CDH18: variants seen among roughly 807,000 people sequenced by gnomAD.
CDH18 encodes cadherin 18.
A neutral mutation model predicts 67.9 loss-of-function variants in CDH18; 31 were observed. That is an observed-to-expected ratio of 0.46 (90% CI 0.34 to 0.62). CDH18 has a LOEUF of 0.62. Ranked by LOEUF, CDH18 falls within the 20% of genes least tolerant of loss-of-function variation. CDH18 has a pLI of 0.01. For missense variants in CDH18, 890 were observed against 975.5 expected, an observed-to-expected ratio of 0.91 and a Z score of 1.17; for synonymous variants, 362 against 347.2, an observed-to-expected ratio of 1.04 and a Z score of -0.48.
intron 2 of CDH18, among the ~76,000 whole-genome samples, chr5:20,030,155 G>A (rs1165806870): frequency 2.0e-5 from 3 of 152,176 alleles, no homozygotes; most frequent in Admixed American, 6.5e-5. Context: ...GTCAATGGCT[G>A]AGGGCCACCC....
chr5:19,556,390 A>T (rs1402144215), intron 8 of CDH18, among the ~76,000 whole-genome samples: 1 of 152,180 alleles, frequency 6.6e-6, no homozygotes, highest in Non-Finnish European at 1.5e-5. Context: ...CAGGATATGA[A>T]TGGAAAAATC....
chr5:19,493,461 T>A (rs769346862), intron 11 of CDH18, among the ~76,000 whole-genome samples: 21 of 152,184 alleles, frequency 1.4e-4, no homozygotes, highest in African/African-American at 4.8e-4. Context: ...AGGGTGATGA[T>A]AAATAATAAT....
chr5:19,651,254 G>A (rs545451424), intron 5 of CDH18, among the ~76,000 whole-genome samples: 1 of 151,902 alleles, frequency 6.6e-6, no homozygotes, highest in East Asian at 1.9e-4. Flanking sequence ...ATGTGTCTGA[G>A]AAGAATAAAT....
At chr5:20,424,040 G>A (rs1748083991) in intron 1 of CDH18, among the ~76,000 whole-genome samples, 1 of 145,604 alleles carries the variant, frequency 6.9e-6, no homozygotes, top group African/African-American at 2.6e-5. Context: ...ATGAAGTGAA[G>A]ATCTTCAAAA....
chr5:19,803,483 T>A (rs1777678247), intron 3 of CDH18, among the ~76,000 whole-genome samples: 1 of 152,184 alleles, frequency 6.6e-6, no homozygotes, highest in Non-Finnish European at 1.5e-5. Context: ...AGTAGTCACA[T>A]GTAGCTAGTG....
intron 1 of CDH18, among the ~76,000 whole-genome samples, chr5:20,308,808 T>C (rs530892966): frequency 7.9e-5 from 12 of 152,272 alleles, no homozygotes; most frequent in Admixed American, 3.9e-4. Flanking sequence ...CTATGCCACA[T>C]TGAAAACCAA....
At chr5:19,566,021 AG>A (rs1399473105) in intron 8 of CDH18, among the ~76,000 whole-genome samples, 1 of 149,978 alleles carries the variant, frequency 6.7e-6, no homozygotes, top group Non-Finnish European at 1.5e-5. Context: ...ACAAATCTAT[AG>A]AAAAAAAAAA....
intron 4 of CDH18, among the ~76,000 whole-genome samples, chr5:19,746,102 T>C (rs1243819080): frequency 2.0e-5 from 3 of 152,128 alleles, no homozygotes; most frequent in Admixed American, 6.5e-5. Flanking sequence ...AGTCGAAAAG[T>C]ATTATCGTAG....
chr5:20,264,293 C>T (rs1744872071), intron 1 of CDH18, among the ~76,000 whole-genome samples: 1 of 151,942 alleles, frequency 6.6e-6, no homozygotes, highest in South Asian at 2.1e-4. Context: ...ATATTGAGTT[C>T]TCCAAAGAAT....
chr5:19,537,673 C>T (rs1185063567), intron 9 of CDH18, among the ~76,000 whole-genome samples: 1 of 152,010 alleles, frequency 6.6e-6, no homozygotes, highest in East Asian at 1.9e-4. Flanking sequence ...TTTGTAGCCC[C>T]TAAAAAATCT....
intron 3 of CDH18, among the ~76,000 whole-genome samples, chr5:19,792,841 TAAAC>T (rs1177769825): frequency 6.6e-6 from 1 of 152,144 alleles, no homozygotes; most frequent in East Asian, 1.9e-4. Flanking sequence ...TCCATAAAGA[TAAAC>T]TAGCTATGGT....
chr5:20,163,831 T>A (rs536685240), intron 2 of CDH18, among the ~76,000 whole-genome samples: 19 of 152,354 alleles, frequency 1.2e-4, no homozygotes, highest in African/African-American at 4.3e-4. Flanking sequence ...TCAAAATGCA[T>A]ATTTTTTACA....
chr5:20,305,538 G>T (rs551869658), intron 1 of CDH18: 4 of 814,514 alleles, frequency 4.9e-6, no homozygotes, highest in South Asian at 4.1e-5. Flanking sequence ...GGTCTCGAGC[G>T]GCTGGTGGTC....
chr5:19,768,880 A>G (rs1486356008), intron 3 of CDH18, among the ~76,000 whole-genome samples: 3 of 152,082 alleles, frequency 2.0e-5, no homozygotes, highest in African/African-American at 7.2e-5. Flanking sequence ...ACATTATAAG[A>G]CACAACTAAC....
At chr5:19,681,990 G>A (rs926476135) in intron 5 of CDH18, among the ~76,000 whole-genome samples, 1 of 151,884 alleles carries the variant, frequency 6.6e-6, no homozygotes, top group South Asian at 2.1e-4. Context: ...TTTTCTTTAA[G>A]TTTCTGAGTA....
At chr5:19,794,457 A>G (rs1776656074) in intron 3 of CDH18, among the ~76,000 whole-genome samples, 1 of 152,110 alleles carries the variant, frequency 6.6e-6, no homozygotes, top group Non-Finnish European at 1.5e-5. Context: ...GTATTGAATG[A>G]CATCGCAAGC....
intron 1 of CDH18, among the ~76,000 whole-genome samples, chr5:20,444,045 A>G (rs1749824394): frequency 6.6e-6 from 1 of 151,974 alleles, no homozygotes; most frequent in South Asian, 2.1e-4. Context: ...AGATGTTTAT[A>G]TTATAATTTG....
chr5:19,685,409 G>T (rs2150399816), intron 5 of CDH18, among the ~76,000 whole-genome samples: 1 of 152,294 alleles, frequency 6.6e-6, no homozygotes, highest in Middle Eastern at 3.4e-3. Flanking sequence ...ACTCTGTACA[G>T]GTTATTATTC....
chr5:20,443,207 CA>C (rs1749753667), intron 1 of CDH18, among the ~76,000 whole-genome samples: 1 of 25,382 alleles, frequency 3.9e-5, no homozygotes, highest in African/African-American at 1.4e-4. Context: ...GAGACTCCGT[CA>C]CAAAAAAAAA....
Sources: allele counts gnomAD v4.1 joint callset (sites outside exome capture counted in the v4.1 genomes callset), GRCh38; gene constraint gnomAD v4.1.1; transcripts MANE v1.5; gene names NCBI Gene and HGNC (gene_info 2026-07-23, HGNC 2026-07-21).